The following FAM184B variants were observed in gnomAD, a reference collection of about 807,000 sequenced individuals.
The protein encoded by FAM184B is family with sequence similarity 184 member B.
FAM184B carries 111 observed loss-of-function variants against 135.9 expected under a neutral mutation model. The observed-to-expected ratio is 0.82, with a 90% CI of 0.70 to 0.96. FAM184B has a LOEUF of 0.96. FAM184B is among the 40% of genes least tolerant of loss of function. The probability of loss-of-function intolerance (pLI) is 0.00; values close to 1 mark genes in which losing one functional copy is unlikely to be tolerated. For synonymous variants in FAM184B, 552 were observed against 524.8 expected (o/e 1.05, Z -0.71); for missense variants, 1,375 against 1,323.9 (o/e 1.04, Z -0.60).
intron 4 of FAM184B, among the ~76,000 whole-genome samples, 188 bp downstream of exon 4, chr4:17,705,564 C>T (rs1717090470): frequency 1.3e-5 from 2 of 152,230 alleles, no homozygotes; most frequent in Admixed American, 1.3e-4. Flanking sequence ...CTGCTACAGT[C>T]TCAGTCTCCT....
Position 17,650,388 on chromosome 4 carries a change from T to A in FAM184B, c.2191+2442A>T, listed in dbSNP as rs188931933. On this transcript the variant is annotated intron_variant, in intron 11 of 17. Coordinates refer to ENST00000265018, the MANE Select transcript of FAM184B (RefSeq NM_015688.2). ...GGTGCTTGCACCTTCCCTTGAAGCCTATGATTTGTTGTCATCACAGAGTCC... is the reference window on the plus strand; with the variant it reads ...GGTGCTTGCACCTTCCCTTGAAGCCAATGATTTGTTGTCATCACAGAGTCC... Among the ~76,000 whole-genome samples the A allele has an allele frequency of 2.0e-4, 30 of 152,342 alleles. No homozygotes were observed. In the East Asian group the frequency reaches 4.2e-3, roughly 22 times the overall value.
intron 14 of FAM184B, 73 bp from the exon 15 acceptor site, chr4:17,636,718 C>G: frequency 8.2e-7 from 1 of 1,226,406 alleles, no homozygotes; most frequent in Non-Finnish European, 1.1e-6. Context: ...CAAGTGCACA[C>G]GATGGGAATG....
At chr4:17,650,028 A>G (rs898888962) in intron 11 of FAM184B, among the ~76,000 whole-genome samples, 1 of 150,278 alleles carries the variant, frequency 6.7e-6, no homozygotes, top group Non-Finnish European at 1.5e-5. Flanking sequence ...GTGTCCACCC[A>G]TTTGTCTGCC....
At chr4:17,750,201 C>G (rs1718263900) in intron 1 of FAM184B, among the ~76,000 whole-genome samples, 1 of 152,170 alleles carries the variant, frequency 6.6e-6, no homozygotes, top group African/African-American at 2.4e-5. Context: ...CATGCGATTT[C>G]CTATCACCAC....
rs1717200940 is a variant in FAM184B, at chr4:17,709,478, G to A, written c.308C>T (p.Ala103Val). Residue 103 changes from alanine to valine, a missense_variant, in exon 2 of 18, where the codon GCC becomes GTC. Physicochemically the swap from Ala to Val is moderately conservative, Grantham distance 64. Coordinates refer to ENST00000265018, the MANE Select transcript of FAM184B (RefSeq NM_015688.2). Reference protein sequence around the residue: ...EEEALLQRIQALESALELQKR... With the variant: ...EEEALLQRIQVLESALELQKR... ...TTGCAGCTCCAGGGCGCTCTCCAGG[G>A]CCTGGATGCGCTGTAGAAGGGCTTC... 1 of 1,545,948 alleles carries A rather than the reference G, an allele frequency of 6.5e-7. No homozygotes were observed. The highest frequency in any genetic ancestry group is 2.0e-5 in the Admixed American group (1 of 50,368).
chr4:17,770,473 G>T (rs1334187657), intron 1 of FAM184B, among the ~76,000 whole-genome samples: 4 of 137,702 alleles, frequency 2.9e-5, no homozygotes, highest in South Asian at 4.7e-4. Flanking sequence ...TGTTGTTGTT[G>T]TTTTTTCTGA....
intron 11 of FAM184B, among the ~76,000 whole-genome samples, chr4:17,649,969 G>A (rs115703725): frequency 0.019 from 2,844 of 150,174 alleles, 40 homozygotes; most frequent in Middle Eastern, 0.07. Context: ...CCACCCATCC[G>A]TGTGTCCACC....
intron 1 of FAM184B, among the ~76,000 whole-genome samples, chr4:17,735,287 A>T (rs993849987): frequency 6.6e-6 from 1 of 152,134 alleles, no homozygotes; most frequent in African/African-American, 2.4e-5. Context: ...CATATGTAAC[A>T]AACCTGCACA....
chr4:17,647,007 C>A (rs1715485263), intron 12 of FAM184B, among the ~76,000 whole-genome samples: 2 of 152,156 alleles, frequency 1.3e-5, no homozygotes, highest in South Asian at 4.1e-4. Context: ...CTGAGAAATT[C>A]AAAATGTTCT....
At chr4:17,701,195 C>T (rs1158016152) in intron 5 of FAM184B, among the ~76,000 whole-genome samples, 1 of 152,182 alleles carries the variant, frequency 6.6e-6, no homozygotes, top group Non-Finnish European at 1.5e-5. Flanking sequence ...TTGCTCGAAA[C>T]ATAAATATGC....
chr4:17,776,982 A>C (rs983659655), intron 1 of FAM184B, among the ~76,000 whole-genome samples: 2 of 152,226 alleles, frequency 1.3e-5, no homozygotes, highest in Non-Finnish European at 2.9e-5. Flanking sequence ...TTCTTAAAGA[A>C]GTAAAAGTTA....
intron 1 of FAM184B, among the ~76,000 whole-genome samples, chr4:17,747,123 G>A (rs1440252074): frequency 6.6e-6 from 1 of 152,052 alleles, no homozygotes; most frequent in African/African-American, 2.4e-5. Context: ...TTATTTCCTG[G>A]GTACGTATAA....
At chr4:17,636,917 A>AGC (rs1193566737) in intron 14 of FAM184B, among the ~76,000 whole-genome samples, 1 of 152,198 alleles carries the variant, frequency 6.6e-6, no homozygotes, top group African/African-American at 2.4e-5. Flanking sequence ...AGAGCCAGGG[A>AGC]TGCTGCTGGG....
chr4:17,653,925 G>GGAGGGAGAGAGAGAGGGAGA (rs140514998), intron 10 of FAM184B, among the ~76,000 whole-genome samples: 1 of 131,276 alleles, frequency 7.6e-6, no homozygotes, highest in African/African-American at 2.8e-5. Context: ...AGAGAGGGAG[G>GGAGGGAGAGAGAGAGGGAGA]GGGAGGGGGA....
rs796887590 is a variant in FAM184B at position 17,630,615 on chromosome 4, C to G, written c.*1917G>C. On this transcript the variant is annotated 3_prime_UTR_variant, in exon 18 of 18. Transcript: ENST00000265018. Reference sequence around the variant, plus strand: ...AGCAGCCTGAACGAACTAAGACACTCTAAGCGGGAAACTCACAAAAAATAT... The same window carrying G: ...AGCAGCCTGAACGAACTAAGACACTGTAAGCGGGAAACTCACAAAAAATAT... The G allele has an allele frequency of 9.8e-5, 15 of 152,304 alleles. No homozygotes were observed. Among genetic ancestry groups the G allele is most frequent in the African/African-American group, 2.4e-4 (10 of 41,568 alleles). The allele number at this position is 152,304 out of a possible 1,614,324, so 9.4% of individuals were successfully genotyped here. A position where few individuals can be genotyped will look rare whatever the true frequency, so the allele number is the denominator to read the frequency against.
chr4:17,780,441 G>C (rs1231216059), intron 1 of FAM184B, among the ~76,000 whole-genome samples: 1 of 152,152 alleles, frequency 6.6e-6, no homozygotes, highest in African/African-American at 2.4e-5. Flanking sequence ...GTGACAAGGA[G>C]CTTCTAATTG....
rs6849619 is a variant in FAM184B at position 17,632,737 on chromosome 4, C to T, written c.3090-112G>A. ...ACTGCTTGTTTACTCTTCAAAAACA[C>T]CCAAATGGGACTGGCCAACATTAGT... is the stretch of plus-strand genomic sequence containing the variant. On this transcript the variant is annotated intron_variant, in intron 17 of 17. Coordinates refer to ENST00000265018, the MANE Select transcript of FAM184B (RefSeq NM_015688.2). 14,123 of 711,404 alleles carry T rather than the reference C, an allele frequency of 0.02. 1,484 individuals are homozygous for T. The African/African-American group carries it at 0.22, about 11-fold the overall frequency. The allele number at this position is 711,404 out of a possible 1,614,324, so 44.1% of individuals were successfully genotyped here.
intron 10 of FAM184B, among the ~76,000 whole-genome samples, chr4:17,654,000 C>G (rs375246864): frequency 1.1e-5 from 1 of 87,834 alleles, no homozygotes; most frequent in Non-Finnish European, 2.2e-5. Flanking sequence ...GGAACTCAGG[C>G]GGCCTCTAGA....
At chr4:17,658,679 A>AGACTCT (rs1715839056) in intron 9 of FAM184B, 117 bp from the exon 10 acceptor site, 1 of 983,050 alleles carries the variant, frequency 1.0e-6, no homozygotes, top group Non-Finnish European at 1.5e-6. Context: ...CTGTCTGTAG[A>AGACTCT]GACTCTGAAG....
Sources: allele counts gnomAD v4.1 joint callset (sites outside exome capture counted in the v4.1 genomes callset), GRCh38; gene constraint gnomAD v4.1.1; transcripts MANE v1.5; gene names NCBI Gene and HGNC (gene_info 2026-07-23, HGNC 2026-07-21).